Variants in CD6 observed in about 807,000 individuals in gnomAD.
CD6 encodes CD6 molecule.
Under a neutral mutation model 75.3 loss-of-function variants are expected in CD6, and 53 were observed. The observed-to-expected ratio is 0.70, with a 90% confidence interval of 0.56 to 0.88. The LOEUF (loss-of-function observed/expected upper bound fraction) is 0.88, where lower values mean the gene tolerates loss of function less well. Among genes scored for constraint, CD6 ranks in the 40% least tolerant of loss-of-function variants. The pLI, the probability that CD6 is intolerant of heterozygous loss-of-function variation, is 0.00. For synonymous variants in CD6, 359 were observed against 381.5 expected (o/e 0.94, Z 0.69); for missense variants, 770 against 897.1 (o/e 0.86, Z 1.81).
chr11:60,978,986 C>T (rs7952345), intron 1 of CD6, among the ~76,000 whole-genome samples: 1,797 of 152,332 alleles, frequency 0.012, 34 homozygotes, highest in African/African-American at 0.041. Flanking sequence ...CGGTGGTTAA[C>T]ATAGTGCTGT....
At chr11:61,013,848 C>T in intron 7 of CD6, 71 bp from the exon 8 acceptor site, 1 of 1,098,074 alleles carries the variant, frequency 9.1e-7, no homozygotes, top group Admixed American at 2.2e-5. Flanking sequence ...TCGATGAGAA[C>T]AGAACGGAAC....
chr11:60,983,268 T>G (rs1857657482), intron 1 of CD6, among the ~76,000 whole-genome samples: 1 of 152,018 alleles, frequency 6.6e-6, no homozygotes, highest in African/African-American at 2.4e-5. Flanking sequence ...GTTTTTGTAT[T>G]TTTAGTAGAG....
intron 1 of CD6, 64 bp from the exon 2 acceptor site, chr11:61,006,510 G>A (rs957895978): frequency 2.9e-6 from 4 of 1,356,558 alleles, no homozygotes; most frequent in South Asian, 1.3e-5. Context: ...TGCTCATCAG[G>A]GTGTCTCTGT....
At chr11:60,979,151 T>A (rs1857473131) in intron 1 of CD6, among the ~76,000 whole-genome samples, 2 of 152,234 alleles carry the variant, frequency 1.3e-5, no homozygotes, top group African/African-American at 4.8e-5. Context: ...GCCTGGCTTG[T>A]TTCCAGCCAG....
intron 1 of CD6, among the ~76,000 whole-genome samples, chr11:61,003,154 A>G (rs1160331614): frequency 1.3e-5 from 2 of 152,100 alleles, no homozygotes. Flanking sequence ...TAGTAGAGAC[A>G]GGGTTTCACC....
chr11:60,981,385 G>A (rs754293088), intron 1 of CD6, among the ~76,000 whole-genome samples: 1 of 152,168 alleles, frequency 6.6e-6, no homozygotes, highest in Non-Finnish European at 1.5e-5. Context: ...TTGGGCCGGG[G>A]ACCCCTCCCC....
chr11:61,017,494 G>A lies in CD6; in HGVS notation c.1526G>A (p.Arg509Gln), dbSNP rs1240653678. The part of the protein sequence containing the change: ...LTTFYNSQRH[R>Q]VTDEEVQQSR... ...CTGCTTGCAGATTCCCAGCGGCATCGGGTCACAGATGAGGAGGTCCAGCAA... is the reference window on the plus strand; with the variant it reads ...CTGCTTGCAGATTCCCAGCGGCATCAGGTCACAGATGAGGAGGTCCAGCAA... The change falls in exon 10 of 13, where the codon CGG becomes CAG. Residue 509 changes from arginine (R) to glutamine (Q), a missense_variant. Arg to Gln is a conservative substitution (Grantham distance 43). Coordinates refer to ENST00000313421, the MANE Select transcript of CD6 (RefSeq NM_006725.5). 11 of 1,549,580 alleles carry A rather than the reference G, an allele frequency of 7.1e-6. No individual in the cohort carries two copies. Among genetic ancestry groups the A allele is most frequent in the African/African-American group, 2.7e-5 (2 of 72,838 alleles).
At position 61,015,637 on chromosome 11, in the gene CD6, G is replaced by A. The variant is rs889380524; in HGVS notation, c.1388-76G>A. 2.7e-5 allele frequency: 42 copies of A among 1,570,742 alleles called. No homozygotes were observed. The East Asian group carries it at 5.9e-4, about 22-fold the overall frequency. ...TGCTACTCTGCCTCTCACCTCTGCCGTTCATACTCTACCATCCCTCCCTAC... is the reference window on the plus strand; with the variant it reads ...TGCTACTCTGCCTCTCACCTCTGCCATTCATACTCTACCATCCCTCCCTAC... On this transcript the variant is annotated intron_variant, in intron 8 of 12. Coordinates refer to ENST00000313421, the MANE Select transcript of CD6 (RefSeq NM_006725.5).
chr11:60,973,566 G>A (rs1857266918), intron 1 of CD6, among the ~76,000 whole-genome samples: 1 of 150,734 alleles, frequency 6.6e-6, no homozygotes, highest in African/African-American at 2.4e-5. Flanking sequence ...GAAAGGTAAA[G>A]GGAAACATAA....
chr11:61,004,076 TAGG>T (rs1270497918), intron 1 of CD6, among the ~76,000 whole-genome samples: 1 of 152,186 alleles, frequency 6.6e-6, no homozygotes, highest in Non-Finnish European at 1.5e-5. Context: ...TTTTCTGATC[TAGG>T]AGAACACATT....
intron 5 of CD6, 131 bp downstream of exon 5, chr11:61,010,005 G>C: frequency 3.4e-6 from 3 of 873,242 alleles, no homozygotes; most frequent in Non-Finnish European, 5.1e-6. Flanking sequence ...AAGAAGGACT[G>C]TTGTCCTTAC....
At chr11:60,993,507 C>T (rs145908581) in intron 1 of CD6, among the ~76,000 whole-genome samples, 4 of 150,288 alleles carry the variant, frequency 2.7e-5, no homozygotes, top group Middle Eastern at 3.4e-3. Flanking sequence ...GCGTCCTAAG[C>T]GTTTTACGAA....
chr11:60,990,466 C>T (rs1858015206), intron 1 of CD6, among the ~76,000 whole-genome samples: 1 of 152,136 alleles, frequency 6.6e-6, no homozygotes, highest in Non-Finnish European at 1.5e-5. Flanking sequence ...TCAAGTGATC[C>T]ACTTGCCTCG....
In CD6 at chr11:61,015,897, G is replaced by A. The variant is rs1005350886; in HGVS notation, c.1510+62G>A. On this transcript the variant is annotated intron_variant, in intron 9 of 12. Coordinates refer to ENST00000313421, the MANE Select transcript of CD6 (RefSeq NM_006725.5). ...CTGAATCTGGGAGGGGGCCCCGAGG[G>A]GACCGTCAGGTCAGTAGTCCCACCT... 4 of 1,597,712 alleles carry A rather than the reference G, an allele frequency of 2.5e-6. No homozygotes were observed. The African/African-American group carries it at 5.4e-5, about 21-fold the overall frequency.
At position 60,974,788 on chromosome 11, in the gene CD6, T is replaced by G. The variant is rs1030148264; in HGVS notation, c.49+2874T>G. ...CATGAGACCCCAGGTTCTGCCCTGG[T>G]CCCGTCTCTAATTCACCATTGACTG... On this transcript the variant is annotated intron_variant, in intron 1 of 12. Transcript: ENST00000313421. Among the ~76,000 whole-genome samples the G allele has an allele frequency of 4.6e-5, 7 of 152,230 alleles. No individual in the cohort carries two copies. In the East Asian group the frequency reaches 1.3e-3, roughly 29 times the overall value.
rs1185568040 is a variant in CD6 at position 61,017,847 on chromosome 11, C to A, written c.1671C>A (p.His557Gln). The A allele has an allele frequency of 6.2e-7, 1 of 1,614,112 alleles. No homozygotes were observed. The highest frequency in any genetic ancestry group is 2.2e-5 in the East Asian group (1 of 44,880). Residue 557 changes from histidine (H) to glutamine (Q), a missense_variant, in exon 11 of 13, where the codon CAC becomes CAA. Transcript: ENST00000313421. ...TDPPSLGPQY[H>Q]PRSNSESSTS... is the part of the protein sequence containing the mutation. ...CGCCATCCCTGGGCCCTCAGTATCA[C>A]CCGAGGAGCAACAGTGAGTCGAGCA... is the stretch of plus-strand genomic sequence containing the variant.
In CD6 at chr11:61,007,500, G is replaced by C. The variant is rs886983831; in HGVS notation, c.119-60G>C. The stretch of plus-strand genomic sequence containing the variant: ...GTTCACGCACAGAGTCAGTGGCAGA[G>C]CCTGGGCAACCCTCTGCCCAGGCCC... On this transcript the variant is annotated intron_variant, in intron 2 of 12. Transcript: ENST00000313421. The surrounding 1 kb of genome is among the most constrained non-coding windows in gnomAD (Gnocchi z 4.2). 8.6e-6 allele frequency: 11 copies of C among 1,284,376 alleles called. No individual in the cohort carries two copies. The highest frequency in any genetic ancestry group is 1.1e-5 in the Non-Finnish European group (11 of 982,376). The allele number at this position is 1,284,376 out of a possible 1,614,324, so 79.6% of individuals were successfully genotyped here.
chr11:60,988,701 G>T (rs978944185), intron 1 of CD6, among the ~76,000 whole-genome samples: 9 of 152,144 alleles, frequency 5.9e-5, no homozygotes, highest in African/African-American at 2.2e-4. Flanking sequence ...GATCTCAAGG[G>T]GGCCTTCTCT....
chr11:61,017,953 A>G lies in CD6; in HGVS notation c.1777A>G (p.Ser593Gly). The G allele has an allele frequency of 6.2e-7, 1 of 1,613,596 alleles. No individual in the cohort carries two copies. The change falls in exon 11 of 13, where the codon AGT (serine) becomes GGT (glycine). Residue 593 changes from serine (S) to glycine (G), a missense_variant. Ser to Gly is a moderately conservative substitution (Grantham distance 56, BLOSUM62 0). Coordinates refer to ENST00000313421, the MANE Select transcript of CD6 (RefSeq NM_006725.5). ...CCCCCAGGTGTTTTCTTCAGAGAGG[A>G]GTTCCTTCCTGGAGCAGCCCCCAAA... ...WNPQVFSSER[S>G]SFLEQPPNLE...
Sources: allele counts gnomAD v4.1 joint callset (sites outside exome capture counted in the v4.1 genomes callset), GRCh38; gene constraint gnomAD v4.1.1; non-coding constraint Gnocchi (gnomAD v3.1); transcripts MANE v1.5; gene names NCBI Gene and HGNC (gene_info 2026-07-23, HGNC 2026-07-21).